Variants in MMRN1 observed in about 807,000 individuals in gnomAD.
MMRN1 encodes multimerin 1, also known as multimerin-1.
Under a neutral mutation model 100.7 loss-of-function variants are expected in MMRN1, and 94 were observed. That is an observed-to-expected ratio of 0.93 (90% CI 0.79 to 1.11). MMRN1 has a LOEUF of 1.11. Among genes scored for constraint, MMRN1 ranks in the 50% least tolerant of loss-of-function variants. The pLI is 0.00. For synonymous variants in MMRN1, 575 were observed against 505.0 expected (o/e 1.14, Z -1.86); for missense variants, 1,606 against 1,439.1 (o/e 1.12, Z -1.88).
At position 89,938,091 on chromosome 4, in the gene MMRN1, G is replaced by T. The variant is rs374847547; in HGVS notation, c.3118+1293G>T. Among the ~76,000 whole-genome samples the T allele has an allele frequency of 1.6e-4, 24 of 151,892 alleles. No individual in the cohort carries two copies. In the East Asian group the frequency reaches 1.9e-3, roughly 12 times the overall value. On this transcript the variant is annotated intron_variant, in intron 6 of 7. Transcript: ENST00000264790. ...TTATTTCTTTTTAATTACAAAGGAT[G>T]ATCATTATTCTAACATAATATGACT...
intron 3 of MMRN1, among the ~76,000 whole-genome samples, chr4:89,914,635 A>G (rs1178272828): frequency 6.6e-6 from 1 of 151,550 alleles, no homozygotes; most frequent in African/African-American, 2.4e-5. Context: ...ATATTTGTAC[A>G]TAATGAGGAG....
intron 2 of MMRN1, among the ~76,000 whole-genome samples, chr4:89,911,613 A>G (rs1721753062): frequency 6.6e-6 from 1 of 151,430 alleles, no homozygotes; most frequent in African/African-American, 2.4e-5. Flanking sequence ...TTATCTCCAT[A>G]TAACTTTAAA....
upstream of MMRN1, among the ~76,000 whole-genome samples, chr4:89,894,208 A>C (rs1721119811): frequency 1.3e-5 from 2 of 152,164 alleles, no homozygotes; most frequent in Admixed American, 1.3e-4. Context: ...CTCTGGTAGA[A>C]GTTCCAGGAG....
chr4:89,895,473 G>C lies in MMRN1; in HGVS notation c.502G>C (p.Val168Leu). 1 of 1,613,798 alleles carries C rather than the reference G, an allele frequency of 6.2e-7. No individual in the cohort carries two copies. The change falls in exon 1 of 8, where the codon GTT becomes CTT. Residue 168 changes from valine to leucine, a missense_variant. By Grantham distance (32) the Val-to-Leu change is conservative. Transcript: ENST00000264790. Reference protein sequence around the residue: ...TVGGTGGIGGVGGTGGVGNRA... With the variant: ...TVGGTGGIGGLGGTGGVGNRA... ...TGGAGGCACTGGAGGCATTGGAGGC[G>C]TTGGAGGCACTGGAGGCGTGGGAAA...
chr4:89,906,959 T>C (rs1264121411), intron 1 of MMRN1, among the ~76,000 whole-genome samples: 1 of 151,436 alleles, frequency 6.6e-6, no homozygotes, highest in East Asian at 1.9e-4. Context: ...ATACTTTTTT[T>C]CTTTTCAAAG....
chr4:89,937,246 T>C (rs1722676355), intron 6 of MMRN1, among the ~76,000 whole-genome samples: 1 of 152,062 alleles, frequency 6.6e-6, no homozygotes, highest in African/African-American at 2.4e-5. Flanking sequence ...TAGATTTGGG[T>C]AAATCATAGA....
At chr4:89,910,909 G>A (rs1191759513) in intron 2 of MMRN1, among the ~76,000 whole-genome samples, 1 of 151,280 alleles carries the variant, frequency 6.6e-6, no homozygotes, top group African/African-American at 2.4e-5. Context: ...ACCCATGTAG[G>A]TGACTGTTGT....
intron 5 of MMRN1, among the ~76,000 whole-genome samples, chr4:89,929,287 A>G (rs1178469640): frequency 6.6e-6 from 1 of 152,170 alleles, no homozygotes; most frequent in East Asian, 1.9e-4. Flanking sequence ...TATTGATTTA[A>G]AAAAGATAAA....
Position 89,953,857 on chromosome 4 carries a change from T to A in MMRN1, c.*439T>A, listed in dbSNP as rs368321848. ...AAATTTAAATAAATTACTCAAAAAATGAAAATTGATTTTGTAAACTTTTAT... is the reference window on the plus strand; with the variant it reads ...AAATTTAAATAAATTACTCAAAAAAAGAAAATTGATTTTGTAAACTTTTAT... On this transcript the variant is annotated 3_prime_UTR_variant, in exon 8 of 8. Coordinates refer to ENST00000264790, the MANE Select transcript of MMRN1 (RefSeq NM_007351.3). 2.0e-5 allele frequency: 3 copies of A among 152,538 alleles called. No homozygotes were observed. Among genetic ancestry groups the A allele is most frequent in the African/African-American group, 7.2e-5 (3 of 41,466 alleles). 9.4% of individuals were successfully genotyped at this position (152,538 alleles called of 1,614,324 possible).
chr4:89,916,365 A>C (rs1371408808), intron 3 of MMRN1, among the ~76,000 whole-genome samples: 2 of 1,632 alleles, frequency 1.2e-3, no homozygotes, highest in Non-Finnish European at 3.6e-3. Flanking sequence ...TTAGATTCTG[A>C]AAAAAAAAAA....
chr4:89,880,534 C>T (rs1169884644), intron 1 of MMRN1, among the ~76,000 whole-genome samples: 5 of 152,054 alleles, frequency 3.3e-5, no homozygotes, highest in Admixed American at 2.0e-4. Context: ...AGGTGAGTCA[C>T]ATAGAAGGCT....
Position 89,935,705 on chromosome 4 carries a change from G to GA in MMRN1, c.2030dup (p.Ile678AspfsTer6). The stretch of plus-strand genomic sequence containing the variant: ...AACCAAAGGAAGCAATAGTGATAAG[G>GA]AAAAAGATAGAAAATCTGACTAGTG... On this transcript the variant is annotated frameshift_variant, in exon 6 of 8. Transcript: ENST00000264790. LOFTEE classifies it high-confidence loss of function. 1 of 1,611,484 alleles carries GA rather than the reference G, an allele frequency of 6.2e-7. No homozygotes were observed. Among genetic ancestry groups the GA allele is most frequent in the Non-Finnish European group, 8.5e-7 (1 of 1,179,262 alleles).
intron 6 of MMRN1, among the ~76,000 whole-genome samples, chr4:89,947,686 T>A (rs60909103): frequency 0.21 from 31,784 of 151,982 alleles, 6,048 homozygotes; most frequent in African/African-American, 0.51. Context: ...AAAGATGTCA[T>A]AAAGAAAATG....
At chr4:89,907,125 A>G (rs1341362263) in intron 1 of MMRN1, among the ~76,000 whole-genome samples, 1 of 151,434 alleles carries the variant, frequency 6.6e-6, no homozygotes, top group East Asian at 1.9e-4. Flanking sequence ...TTGCATGAGG[A>G]ATCTAGTTAA....
At chr4:89,915,656 C>A (rs1721888784) in intron 3 of MMRN1, among the ~76,000 whole-genome samples, 2 of 151,482 alleles carry the variant, frequency 1.3e-5, no homozygotes, top group African/African-American at 4.8e-5. Context: ...ACTTGCTGAC[C>A]TTGCTTCTCT....
chr4:89,909,450 C>A lies in MMRN1; in HGVS notation c.743+55C>A, dbSNP rs1234092774. On this transcript the variant is annotated intron_variant, in intron 2 of 7. Coordinates refer to ENST00000264790, the MANE Select transcript of MMRN1 (RefSeq NM_007351.3). The stretch of plus-strand genomic sequence containing the variant: ...GTTTTTGCACCATAATAAATTATAG[C>A]CGGGAATATATAATGTTATTCATGC... The A allele has an allele frequency of 5.4e-5, 85 of 1,580,512 alleles. No individual in the cohort carries two copies. In the South Asian group the frequency reaches 8.2e-4, roughly 15 times the overall value.
At chr4:89,927,272 C>T (rs1030308368) in intron 4 of MMRN1, among the ~76,000 whole-genome samples, 44 of 151,836 alleles carry the variant, frequency 2.9e-4, no homozygotes, top group African/African-American at 9.6e-4. Context: ...TTCATGAACA[C>T]GGCATATCTT....
At chr4:89,893,374 A>T (rs1013559593), upstream of MMRN1, among the ~76,000 whole-genome samples, 1 of 152,094 alleles carries the variant, frequency 6.6e-6, no homozygotes, top group Non-Finnish European at 1.5e-5. Flanking sequence ...GAAGAAAAAA[A>T]TATTAATCCC....
intron 6 of MMRN1, among the ~76,000 whole-genome samples, chr4:89,939,348 G>GA (rs1722752429): frequency 6.6e-6 from 1 of 151,818 alleles, no homozygotes; most frequent in Non-Finnish European, 1.5e-5. Flanking sequence ...ACAGTATATA[G>GA]AAAAAAGCAT....
Sources: gnomAD v4.1 joint callset for allele counts (sites outside exome capture counted in the v4.1 genomes callset) on GRCh38, gnomAD v4.1.1 for gene constraint, MANE v1.5 for transcripts, NCBI Gene and HGNC (gene_info 2026-07-23, HGNC 2026-07-21) for gene names.